The following STAMBP variants were observed in gnomAD, a reference collection of about 807,000 sequenced individuals.
STAMBP encodes STAM-binding protein.
A neutral mutation model predicts 50.7 loss-of-function variants in STAMBP; 31 were observed. The observed-to-expected ratio is 0.61, with a 90% CI of 0.46 to 0.83. The LOEUF (loss-of-function observed/expected upper bound fraction) is 0.83. Ranked by LOEUF, STAMBP falls within the 40% of genes least tolerant of loss-of-function variation. The pLI is 0.00. For synonymous variants in STAMBP, 211 were observed against 192.4 expected (o/e 1.10, Z -0.80); for missense variants, 472 against 518.9 (o/e 0.91, Z 0.88).
chr2:73,859,704 TA>T (rs1179337441), intron 8 of STAMBP, among the ~76,000 whole-genome samples: 46 of 137,518 alleles, frequency 3.3e-4, no homozygotes, highest in Non-Finnish European at 3.1e-4. Flanking sequence ...AAATAAAAAA[TA>T]AAAAAATATA....
At chr2:73,834,187 G>A (rs1674295815) in intron 2 of STAMBP, among the ~76,000 whole-genome samples, 1 of 122,418 alleles carries the variant, frequency 8.2e-6, no homozygotes, top group African/African-American at 3.1e-5. Flanking sequence ...CTCCAGCCTG[G>A]GGACAGAGCA....
At chr2:73,840,927 CA>C (rs1338687506) in intron 2 of STAMBP, among the ~76,000 whole-genome samples, 1 of 152,032 alleles carries the variant, frequency 6.6e-6, no homozygotes, top group African/African-American at 2.4e-5. Flanking sequence ...CAGGTATGAT[CA>C]ACCTTTAAGT....
At chr2:73,859,407 A>G (rs1411884379) in intron 8 of STAMBP, 41 bp downstream of exon 8, 1 of 1,509,038 alleles carries the variant, frequency 6.6e-7, no homozygotes, top group Non-Finnish European at 9.2e-7. Context: ...TCAAGGGGGT[A>G]GTAGGGAAGA....
chr2:73,832,545 T>G (rs1020086710), intron 2 of STAMBP, among the ~76,000 whole-genome samples: 1 of 151,948 alleles, frequency 6.6e-6, no homozygotes, highest in Non-Finnish European at 1.5e-5. Flanking sequence ...CCACTCTTAG[T>G]AGTTTCTTAG....
downstream of STAMBP, among the ~76,000 whole-genome samples, chr2:73,871,221 A>G (rs1679185464): frequency 6.6e-6 from 1 of 152,136 alleles, no homozygotes; most frequent in South Asian, 2.1e-4. Flanking sequence ...GAAACCACAT[A>G]ATGAAAATAG....
downstream of STAMBP, among the ~76,000 whole-genome samples, chr2:73,867,538 G>A (rs775890800): frequency 7.9e-5 from 12 of 151,810 alleles, no homozygotes; most frequent in Non-Finnish European, 1.3e-4. Context: ...GCGAAACTCC[G>A]TCTAAAAAAA....
Position 73,862,493 on chromosome 2 carries a change from A to G in STAMBP, c.*234A>G. ...CAAAAGCAACTGTAACTCAGAAATT[A>G]AGTTACTCAGAAATTAAGTAGCTCA... On this transcript the variant is annotated 3_prime_UTR_variant, in exon 10 of 10. Transcript: ENST00000394070. 3.0e-6 allele frequency: 1 copy of G among 335,888 alleles called. No individual in the cohort carries two copies. The highest frequency in any genetic ancestry group is 5.4e-6 in the Non-Finnish European group (1 of 184,264). 20.8% of individuals were successfully genotyped at this position (335,888 alleles called of 1,614,324 possible).
intron 5 of STAMBP, 29 bp from the exon 6 acceptor site, chr2:73,849,334 C>A: frequency 6.2e-7 from 1 of 1,612,406 alleles, no homozygotes; most frequent in South Asian, 1.1e-5. Context: ...GCTCAGTGGT[C>A]GCAGACTATT....
intron 4 of STAMBP, among the ~76,000 whole-genome samples, chr2:73,846,821 C>G (rs553249141): frequency 1.3e-5 from 2 of 152,202 alleles, no homozygotes; most frequent in East Asian, 3.9e-4. Flanking sequence ...GTGGCTCACA[C>G]CTGGAATCCC....
At chr2:73,835,539 A>C (rs759864006) in intron 2 of STAMBP, among the ~76,000 whole-genome samples, 3 of 152,108 alleles carry the variant, frequency 2.0e-5, no homozygotes, top group Non-Finnish European at 4.4e-5. Flanking sequence ...GCAAGCGTTA[A>C]GAGAAGGCAG....
chr2:73,845,816 G>T (rs1675987638), intron 4 of STAMBP, among the ~76,000 whole-genome samples: 1 of 152,148 alleles, frequency 6.6e-6, no homozygotes, highest in Non-Finnish European at 1.5e-5. Context: ...ATTTTTAGTA[G>T]AGATGGGGTT....
chr2:73,852,917 GGTGTGTGTGTGT>G (rs56684009), intron 7 of STAMBP, among the ~76,000 whole-genome samples: 11 of 122,862 alleles, frequency 9.0e-5, no homozygotes, highest in South Asian at 6.1e-4. Flanking sequence ...ATGTTGGCCA[GGTGTGTGTGTGT>G]GTGTGTGTGT....
In STAMBP at chr2:73,863,683, C is replaced by G. The variant is rs1214017107; in HGVS notation, c.*1424C>G. 5 of 152,220 alleles carry G rather than the reference C, an allele frequency of 3.3e-5. No homozygotes were observed. The East Asian group carries it at 9.6e-4, about 29-fold the overall frequency. The allele number at this position is 152,220 out of a possible 1,614,324, so 9.4% of individuals were successfully genotyped here. ...TGGACAAGCCATTTCCTGCTGCAGC[C>G]CAGAGCAGCCTGGCTGTTCCACCTT... On this transcript the variant is annotated 3_prime_UTR_variant, in exon 10 of 10. Transcript: ENST00000394070.
Position 73,850,599 on chromosome 2 carries a change from A to G in STAMBP, c.1005+86A>G, listed in dbSNP as rs564913321. ...ATGAGTGTTTCTTTGAACAAAGTCA[A>G]TTATATCCAGATTATTTATTGTTTT... On this transcript the variant is annotated intron_variant, in intron 7 of 9. Coordinates refer to ENST00000394070, the MANE Select transcript of STAMBP (RefSeq NM_213622.4). This position sits in a 1 kb window ranked among gnomAD's most constrained non-coding sequence, Gnocchi z 4.3. The G allele has an allele frequency of 1.3e-5, 18 of 1,380,772 alleles. No homozygotes were observed. In the East Asian group the frequency reaches 3.0e-4, roughly 23 times the overall value. 85.5% of individuals were successfully genotyped at this position (1,380,772 alleles called of 1,614,324 possible).
Position 73,848,784 on chromosome 2 carries a change from A to T in STAMBP, c.743-579A>T, listed in dbSNP as rs149106668. On this transcript the variant is annotated intron_variant, in intron 5 of 9. Coordinates refer to ENST00000394070, the MANE Select transcript of STAMBP (RefSeq NM_213622.4). ...AACATGAACTTTGGGAGACACAGTC[A>T]AACCACAGCAGGGAGGTTATTTTTT... Among the ~76,000 whole-genome samples the T allele has an allele frequency of 5.4e-3, 816 of 152,370 alleles. 6 individuals carry two copies. The highest frequency in any genetic ancestry group is 0.016 in the African/African-American group (660 of 41,584).
chr2:73,850,250 A>C lies in STAMBP; in HGVS notation c.868-126A>C. ...CCAAGGTTGTGAACCACTGAGTGGC[A>C]GGACTCCTGCTGTGTGGGAAGGGCT... On this transcript the variant is annotated intron_variant, in intron 6 of 9. Coordinates refer to ENST00000394070, the MANE Select transcript of STAMBP (RefSeq NM_213622.4). This position sits in a 1 kb window ranked among gnomAD's most constrained non-coding sequence, Gnocchi z 4.3. 3 of 1,258,620 alleles carry C rather than the reference A, an allele frequency of 2.4e-6. No individual in the cohort carries two copies. The highest frequency in any genetic ancestry group is 3.3e-6 in the Non-Finnish European group (3 of 917,478). 78.0% of individuals were successfully genotyped at this position (1,258,620 alleles called of 1,614,324 possible).
intron 2 of STAMBP, 89 bp downstream of exon 2, chr2:73,831,148 A>G: frequency 4.7e-6 from 5 of 1,053,962 alleles, no homozygotes; most frequent in East Asian, 4.7e-5. Flanking sequence ...GAACTTCACA[A>G]TATCATCAAC....
intron 7 of STAMBP, among the ~76,000 whole-genome samples, chr2:73,852,604 C>T (rs1448026276): frequency 6.6e-6 from 1 of 152,036 alleles, no homozygotes; most frequent in East Asian, 1.9e-4. Flanking sequence ...ATGTAGTTAG[C>T]AATGGAGCAA....
At chr2:73,844,266 A>G (rs1254034637) in intron 2 of STAMBP, among the ~76,000 whole-genome samples, 1 of 152,360 alleles carries the variant, frequency 6.6e-6, no homozygotes, top group South Asian at 2.1e-4. Context: ...TACTACATGC[A>G]TAGAACACAT....
Sources: gnomAD v4.1 joint callset for allele counts (sites outside exome capture counted in the v4.1 genomes callset) on GRCh38, gnomAD v4.1.1 for gene constraint, Gnocchi (gnomAD v3.1) non-coding constraint, MANE v1.5 for transcripts, NCBI Gene and HGNC (gene_info 2026-07-23, HGNC 2026-07-21) for gene names.